The following BARD1 variants were observed in gnomAD, a reference collection of about 807,000 sequenced individuals.
BARD1 encodes BRCA1 associated RING domain 1, also known as BRCA1-associated RING domain protein 1.
In BARD1, 73 loss-of-function variants were observed where a neutral mutation model predicts 77.0. The ratio of observed to expected loss-of-function variants is 0.95; its 90% CI spans 0.79 to 1.15. The LOEUF is 1.15. Among genes scored for constraint, BARD1 ranks in the 50% most tolerant of loss-of-function variants. The pLI, the probability that BARD1 is intolerant of heterozygous loss-of-function variation, is 0.00. For missense variants in BARD1, 993 were observed against 938.8 expected (o/e 1.06, Z -0.75); for synonymous variants, 384 against 338.0 (o/e 1.14, Z -1.49).
intron 9 of BARD1, among the ~76,000 whole-genome samples, chr2:214,743,947 G>C (rs548928878): frequency 2.0e-5 from 3 of 152,166 alleles, no homozygotes; most frequent in South Asian, 4.1e-4. Flanking sequence ...ATCAAGATAC[G>C]CAACTGTATT....
rs1197692311 is a variant in BARD1 at position 214,781,014 on chromosome 2, T to A, written c.860A>T (p.Glu287Val). Residue 287 changes from glutamate to valine, a missense_variant, in exon 4 of 11, where the codon GAG becomes GTG. Glu to Val is a moderately radical substitution (Grantham distance 121). Transcript: ENST00000260947. ...EVSLPLAEQI[E>V]SPDTKSRNEV... The stretch of plus-strand genomic sequence containing the variant: ...ATTCCTGCTCTTAGTGTCTGGAGAC[T>A]CTATTTGCTCAGCCAATGGTAAAGA... The A allele has an allele frequency of 1.2e-6, 2 of 1,612,696 alleles. No homozygotes were observed. The highest frequency in any genetic ancestry group is 2.2e-5 in the South Asian group (2 of 90,822).
At chr2:214,804,953 G>A (rs953251940) in intron 1 of BARD1, among the ~76,000 whole-genome samples, 3 of 152,202 alleles carry the variant, frequency 2.0e-5, no homozygotes, top group Admixed American at 6.5e-5. Context: ...ACAAGGTCAG[G>A]AGTTCGAGAC....
intron 7 of BARD1, among the ~76,000 whole-genome samples, chr2:214,750,045 T>C (rs1693332637): frequency 6.6e-6 from 1 of 152,156 alleles, no homozygotes; most frequent in African/African-American, 2.4e-5. Context: ...TACCTCCTTA[T>C]CTTAAACAAT....
chr2:214,731,884 A>G (rs1692372224), intron 9 of BARD1, among the ~76,000 whole-genome samples: 2 of 152,218 alleles, frequency 1.3e-5, no homozygotes, highest in South Asian at 2.1e-4. Context: ...TAAAGGAACA[A>G]AAGTTTTTAA....
In BARD1 at chr2:214,730,494, G is replaced by T. The variant is rs1553612535; in HGVS notation, c.1918C>A (p.Leu640Ile). 6.2e-7 allele frequency: 1 copy of T among 1,613,552 alleles called. No individual in the cohort carries two copies. Reference sequence around the variant, plus strand: ...TCCTGTTCACATACTTTTCTTCGTAGACATGCTTTTACCCCTGACAAAAAC... The same window carrying T: ...TCCTGTTCACATACTTTTCTTCGTATACATGCTTTTACCCCTGACAAAAAC... The part of the protein sequence containing the change: ...ILKFEWVKAC[L>I]RRKVCEQEEK... The change falls in exon 10 of 11, where the codon CTA becomes ATA. Residue 640 changes from leucine (L) to isoleucine (I), a missense_variant. Physicochemically the swap from Leu to Ile is conservative, Grantham distance 5. Coordinates refer to ENST00000260947, the MANE Select transcript of BARD1 (RefSeq NM_000465.4).
rs769728620 is a variant in BARD1, at chr2:214,752,400, A to T, written c.1677+47T>A. ...TTTCTATTATGTTCCTTTCATAACC[A>T]ATTTTAATAAAATATATAAATGTCC... On this transcript the variant is annotated intron_variant, in intron 7 of 10. Transcript: ENST00000260947. The T allele has an allele frequency of 1.5e-5, 22 of 1,507,976 alleles. No individual in the cohort carries two copies. In the East Asian group the frequency reaches 5.0e-4, roughly 34 times the overall value. The allele number at this position is 1,507,976 out of a possible 1,614,324, so 93.4% of individuals were successfully genotyped here. A position where few individuals can be genotyped will look rare whatever the true frequency, so the allele number is the denominator to read the frequency against.
chr2:214,775,696 G>C (rs147206912), intron 4 of BARD1, among the ~76,000 whole-genome samples: 101 of 152,314 alleles, frequency 6.6e-4, no homozygotes, highest in African/African-American at 2.4e-3. Flanking sequence ...GCAATTAAAT[G>C]AGGTATGCCT....
intron 7 of BARD1, among the ~76,000 whole-genome samples, chr2:214,751,798 C>T (rs1355287799): frequency 6.6e-6 from 1 of 152,186 alleles, no homozygotes; most frequent in Non-Finnish European, 1.5e-5. Context: ...TAAGGTCATA[C>T]TTATTCCATT....
In BARD1 at chr2:214,769,308, T is replaced by A. The variant is rs753446928; in HGVS notation, c.1319A>T (p.Asp440Val). The change falls in exon 5 of 11, where the codon GAC (aspartate) becomes GTC (valine). Residue 440 changes from aspartate to valine, a missense_variant. Transcript: ENST00000260947. Reference protein sequence around the residue: ...TLLHIASIKGDIPSVEYLLQN... With the variant: ...TLLHIASIKGVIPSVEYLLQN... ...TAAAAGGTATTCAACAGAAGGTATGTCGCCCTAGAAAAATGAACAAAACGG... is the reference window on the plus strand; with the variant it reads ...TAAAAGGTATTCAACAGAAGGTATGACGCCCTAGAAAAATGAACAAAACGG... 4 of 1,612,682 alleles carry A rather than the reference T, an allele frequency of 2.5e-6. No homozygotes were observed. In the South Asian group the frequency reaches 4.4e-5, roughly 18 times the overall value.
chr2:214,780,427 T>A (rs1241454403), intron 4 of BARD1, 133 bp downstream of exon 4: 3 of 801,842 alleles, frequency 3.7e-6, no homozygotes, highest in Non-Finnish European at 6.1e-6. Flanking sequence ...CTGGCTTCTC[T>A]GGTTCAGAGG....
intron 6 of BARD1, among the ~76,000 whole-genome samples, chr2:214,756,687 A>C (rs1693709663): frequency 6.6e-6 from 1 of 152,208 alleles, no homozygotes. Flanking sequence ...AGCAACCTGG[A>C]TGGGACTGGA....
At chr2:214,768,757 A>G in intron 5 of BARD1, among the ~76,000 whole-genome samples, 1 of 152,262 alleles carries the variant, frequency 6.6e-6, no homozygotes, top group Non-Finnish European at 1.5e-5. Flanking sequence ...ACCTTTAAAA[A>G]TGTTTAATGT....
intron 6 of BARD1, among the ~76,000 whole-genome samples, chr2:214,763,804 T>C (rs889436030): frequency 1.3e-5 from 2 of 152,054 alleles, no homozygotes; most frequent in African/African-American, 4.8e-5. Flanking sequence ...CAGGAAGAAA[T>C]AGAAGAGTAG....
At position 214,782,466 on chromosome 2, in the gene BARD1, AT is replaced by A. The variant is rs534165658; in HGVS notation, c.365-958del. On this transcript the variant is annotated intron_variant, in intron 3 of 10. Transcript: ENST00000260947. Reference sequence around the variant, plus strand: ...TAAACTATATGGTTAGAAAATATATATTTTTTCTACATATATATATATAAAA... The same window carrying A: ...TAAACTATATGGTTAGAAAATATATATTTTTCTACATATATATATATAAAA... Among the ~76,000 whole-genome samples, 840 of 151,674 alleles carry A rather than the reference AT, an allele frequency of 5.5e-3. 7 individuals are homozygous for A. Among genetic ancestry groups the A allele is most frequent in the African/African-American group, 0.019 (808 of 41,456 alleles).
chr2:214,780,099 T>C (rs1386043823), intron 4 of BARD1, among the ~76,000 whole-genome samples: 4 of 152,198 alleles, frequency 2.6e-5, no homozygotes, highest in African/African-American at 4.8e-5. Flanking sequence ...TTTCTGATAG[T>C]CAAATGTCCC....
Position 214,727,063 on chromosome 2 carries a change from T to C in BARD1, c.*1613A>G, listed in dbSNP as rs530366297. 2 of 212,536 alleles carry C rather than the reference T, an allele frequency of 9.4e-6. No individual in the cohort carries two copies. The highest frequency in any genetic ancestry group is 3.7e-4 in the South Asian group (2 of 5,334). The allele number at this position is 212,536 out of a possible 1,614,324, so 13.2% of individuals were successfully genotyped here. ...AGACATTATCTAACGCCTCGGATTT[T>C]TGTTTGGTGCTATGGTGTTCATTTT... is the stretch of plus-strand genomic sequence containing the variant. On this transcript the variant is annotated 3_prime_UTR_variant, in exon 11 of 11. Transcript: ENST00000260947.
At chr2:214,748,204 A>T (rs1299087767) in intron 7 of BARD1, among the ~76,000 whole-genome samples, 1 of 152,194 alleles carries the variant, frequency 6.6e-6, no homozygotes, top group African/African-American at 2.4e-5. Context: ...TTGCATAAAA[A>T]ATAGAAACTG....
intron 9 of BARD1, among the ~76,000 whole-genome samples, chr2:214,737,196 CTG>C (rs1313281711): frequency 6.6e-6 from 1 of 152,078 alleles, no homozygotes; most frequent in Non-Finnish European, 1.5e-5. Flanking sequence ...GCTATGGAGA[CTG>C]TAACAAACAT....
At position 214,757,138 on chromosome 2, in the gene BARD1, CA is replaced by C. The variant is rs918002740; in HGVS notation, c.1569-4584del. ...CTGTATAGCCTGGGGAGCCATGAGC[CA>C]ATTAAACCTCTTTTCCTTATAAATT... is the stretch of plus-strand genomic sequence containing the variant. On this transcript the variant is annotated intron_variant, in intron 6 of 10. Transcript: ENST00000260947. Among the ~76,000 whole-genome samples, 6 of 151,988 alleles carry C rather than the reference CA, an allele frequency of 3.9e-5. 1 individual carries two copies. The highest frequency in any genetic ancestry group is 3.9e-4 in the Admixed American group (6 of 15,240).
Sources: allele counts gnomAD v4.1 joint callset (sites outside exome capture counted in the v4.1 genomes callset), GRCh38; gene constraint gnomAD v4.1.1; transcripts MANE v1.5; gene names NCBI Gene and HGNC (gene_info 2026-07-23, HGNC 2026-07-21).